TRPC1: variants seen among roughly 807,000 people sequenced by gnomAD.
The protein encoded by TRPC1 is short transient receptor potential channel 1.
In TRPC1, 42 loss-of-function variants were observed where a neutral mutation model predicts 88.2. That is an observed-to-expected ratio of 0.48 (90% CI 0.37 to 0.62). The LOEUF is 0.62. TRPC1 is among the 20% of genes least tolerant of loss of function. The pLI is 0.00. For missense variants in TRPC1, 699 were observed against 957.3 expected (o/e 0.73, Z 3.56); for synonymous variants, 288 against 331.8 (o/e 0.87, Z 1.43).
At chr3:142,740,818 T>C (rs1357592100) in intron 2 of TRPC1, among the ~76,000 whole-genome samples, 1 of 152,134 alleles carries the variant, frequency 6.6e-6, no homozygotes, top group African/African-American at 2.4e-5. Flanking sequence ...AAGAGAAAGA[T>C]GGAATTAAGT....
chr3:142,777,988 T>A (rs1194558194), intron 5 of TRPC1, among the ~76,000 whole-genome samples: 1 of 152,166 alleles, frequency 6.6e-6, no homozygotes, highest in Admixed American at 6.5e-5. Flanking sequence ...TATAAACACC[T>A]TTAATCTCTT....
intron 4 of TRPC1, among the ~76,000 whole-genome samples, chr3:142,759,553 T>C (rs573687000): frequency 8.5e-5 from 13 of 152,236 alleles, no homozygotes; most frequent in Non-Finnish European, 1.3e-4. Flanking sequence ...TTTAAGTTCT[T>C]TGTAGATTCT....
At chr3:142,726,917 T>G (rs1333228442) in intron 1 of TRPC1, among the ~76,000 whole-genome samples, 2 of 152,168 alleles carry the variant, frequency 1.3e-5, no homozygotes, top group Non-Finnish European at 2.9e-5. Context: ...CCAGATCTGT[T>G]GTTGTCCTCA....
In TRPC1 at chr3:142,806,565, A is replaced by G. The variant is rs1333315468; in HGVS notation, c.*330A>G. The stretch of plus-strand genomic sequence containing the variant: ...GTTATAAATGGACACATTGCCCAGA[A>G]TGTTTTGTAAAATGAAGACCAGCAA... On this transcript the variant is annotated 3_prime_UTR_variant, in exon 13 of 13. Transcript: ENST00000476941. 1 of 173,152 alleles carries G rather than the reference A, an allele frequency of 5.8e-6. No individual in the cohort carries two copies. The highest frequency in any genetic ancestry group is 2.4e-5 in the African/African-American group (1 of 41,764). The allele number at this position is 173,152 out of a possible 1,614,324, so 10.7% of individuals were successfully genotyped here.
At chr3:142,765,211 T>C (rs1436307012) in intron 4 of TRPC1, among the ~76,000 whole-genome samples, 2 of 152,036 alleles carry the variant, frequency 1.3e-5, no homozygotes, top group East Asian at 3.8e-4. Context: ...TGCTCATGGA[T>C]AGGAAGAATT....
intron 7 of TRPC1, among the ~76,000 whole-genome samples, chr3:142,789,984 G>A (rs926249792): frequency 3.9e-5 from 6 of 152,144 alleles, no homozygotes; most frequent in Non-Finnish European, 5.9e-5. Context: ...TATATTCAGT[G>A]TTAGAAAAGA....
intron 1 of TRPC1, among the ~76,000 whole-genome samples, chr3:142,725,694 G>C (rs1933646473): frequency 6.6e-6 from 1 of 152,076 alleles, no homozygotes; most frequent in East Asian, 1.9e-4. Context: ...GGAAAACTCT[G>C]TTAGAAACAT....
chr3:142,774,380 A>C (rs2108103109), intron 4 of TRPC1, among the ~76,000 whole-genome samples: 1 of 152,296 alleles, frequency 6.6e-6, no homozygotes, highest in Admixed American at 6.5e-5. Flanking sequence ...TGCTTGCCTC[A>C]ACTTGGTTTG....
intron 1 of TRPC1, among the ~76,000 whole-genome samples, chr3:142,735,385 T>G (rs1934090529): frequency 1.3e-5 from 2 of 152,358 alleles, no homozygotes; most frequent in Admixed American, 6.5e-5. Flanking sequence ...CTTTCCCTGT[T>G]TATTTATAGA....
intron 1 of TRPC1, among the ~76,000 whole-genome samples, chr3:142,728,433 C>G (rs559735221): frequency 1.3e-5 from 2 of 151,986 alleles, no homozygotes; most frequent in South Asian, 4.2e-4. Context: ...CGGCCTCAGC[C>G]TCAGCCTCCT....
chr3:142,753,707 G>A (rs1934858922), intron 4 of TRPC1, among the ~76,000 whole-genome samples: 1 of 140,458 alleles, frequency 7.1e-6, no homozygotes, highest in Non-Finnish European at 1.5e-5. Context: ...GGAGGTCACA[G>A]TGAGCTGAGA....
rs1935940670 is a variant in TRPC1, at chr3:142,780,981, A to G, written c.912A>G (p.Arg304=). 6.2e-7 allele frequency: 1 copy of G among 1,613,746 alleles called. No individual in the cohort carries two copies. Among genetic ancestry groups the G allele is most frequent in the South Asian group, 1.1e-5 (1 of 91,004 alleles). ...PLDKRGLLEE[R]MNLSRLKLAI... is the part of the protein sequence containing the mutation. ...ACAAACGGGGATTATTAGAAGAAAG[A>G]ATGAATTTAAGTCGTCTAAAACTTG... Residue 304 remains arginine, a synonymous_variant, in exon 6 of 13, where the codon AGA becomes AGG. Transcript: ENST00000476941.
At chr3:142,765,940 T>G (rs565091825) in intron 4 of TRPC1, among the ~76,000 whole-genome samples, 59 of 151,280 alleles carry the variant, frequency 3.9e-4, no homozygotes, top group Admixed American at 1.3e-3. Flanking sequence ...AACAAGCATA[T>G]GAAAAAAAGG....
chr3:142,773,923 C>T (rs1935669081), intron 4 of TRPC1, among the ~76,000 whole-genome samples: 1 of 151,668 alleles, frequency 6.6e-6, no homozygotes, highest in Non-Finnish European at 1.5e-5. Flanking sequence ...AGCAACTCTG[C>T]ATACTTTTTT....
chr3:142,728,852 G>T (rs1188557914), intron 1 of TRPC1, among the ~76,000 whole-genome samples: 1 of 152,142 alleles, frequency 6.6e-6, no homozygotes, highest in African/African-American at 2.4e-5. Context: ...GAGGATGGTG[G>T]TGGGAAGAAA....
At chr3:142,733,482 C>A (rs1165446123) in intron 1 of TRPC1, among the ~76,000 whole-genome samples, 1 of 152,162 alleles carries the variant, frequency 6.6e-6, no homozygotes, top group Non-Finnish European at 1.5e-5. Flanking sequence ...TTGTACTCCT[C>A]CAGCCTGGGT....
intron 3 of TRPC1, among the ~76,000 whole-genome samples, chr3:142,745,340 A>C (rs1417278360): frequency 6.6e-6 from 1 of 152,120 alleles, no homozygotes; most frequent in Non-Finnish European, 1.5e-5. Context: ...ATTCATCACC[A>C]TTATCACTAA....
rs572070072 is a variant in TRPC1 at position 142,777,664 on chromosome 3, G to C, written c.665G>C (p.Ser222Thr). 2 of 1,611,912 alleles carry C rather than the reference G, an allele frequency of 1.2e-6. No individual in the cohort carries two copies. The highest frequency in any genetic ancestry group is 2.7e-5 in the African/African-American group (2 of 74,990). The change falls in exon 5 of 13, where the codon AGT becomes ACT. Residue 222 changes from serine (S) to threonine (T), a missense_variant. Ser to Thr is a moderately conservative substitution (Grantham distance 58). Around this residue, in one of 4 missense-constraint regions of TRPC1, gnomAD observed 426 missense variants for 641.3 expected, o/e 0.66. Transcript: ENST00000476941. ...FRLDIYRCLA[S>T]PALIMLTEED... ...CTTGATATATATCGATGTTTGGCCA[G>C]TCCAGCTCTAATAATGTTAACAGAG... is the stretch of plus-strand genomic sequence containing the variant.
Position 142,806,881 on chromosome 3 carries a change from GT to G in TRPC1, c.*653del, listed in dbSNP as rs1051952877. On this transcript the variant is annotated 3_prime_UTR_variant, in exon 13 of 13. Coordinates refer to ENST00000476941, the MANE Select transcript of TRPC1 (RefSeq NM_001251845.2). ...GTTATAATCACTTTATATTTTTAAT[GT>G]TTTTTTCACTTAATATTTTATATAT... The G allele has an allele frequency of 5.3e-5, 8 of 151,044 alleles. No individual in the cohort carries two copies. In the East Asian group the frequency reaches 7.8e-4, roughly 15 times the overall value. The allele number at this position is 151,044 out of a possible 1,614,324, so 9.4% of individuals were successfully genotyped here.
Sources: allele counts gnomAD v4.1 joint callset (sites outside exome capture counted in the v4.1 genomes callset), GRCh38; gene constraint gnomAD v4.1.1; regional missense constraint gnomAD v4.1.1; transcripts MANE v1.5; gene names NCBI Gene and HGNC (gene_info 2026-07-23, HGNC 2026-07-21).